PCSK5: variants seen among roughly 807,000 people sequenced by gnomAD.
PCSK5 encodes the protein prohormone convertase 5.
Under a neutral mutation model 233.2 loss-of-function variants are expected in PCSK5, and 129 were observed. That is an observed-to-expected ratio of 0.55 (90% CI 0.48 to 0.64). The LOEUF (loss-of-function observed/expected upper bound fraction) is 0.64, where lower values mean the gene tolerates loss of function less well. Ranked by LOEUF, PCSK5 falls within the 30% of genes least tolerant of loss-of-function variation. The probability of loss-of-function intolerance (pLI) is 0.00; values close to 1 mark genes in which losing one functional copy is unlikely to be tolerated. For missense variants in PCSK5, 2,076 were observed against 2,430.1 expected (o/e 0.85, Z 3.06); for synonymous variants, 825 against 879.2 (o/e 0.94, Z 1.09).
intron 10 of PCSK5, among the ~76,000 whole-genome samples, chr9:76,135,935 T>G (rs1239747060): frequency 6.6e-6 from 1 of 152,018 alleles, no homozygotes; most frequent in Non-Finnish European, 1.5e-5. Flanking sequence ...CTCTGTTGGT[T>G]TAGGAGAGGG....
chr9:76,084,781 C>T (rs553970316), intron 7 of PCSK5, among the ~76,000 whole-genome samples: 5 of 151,926 alleles, frequency 3.3e-5, no homozygotes, highest in South Asian at 2.1e-4. Context: ...CAGCAGTAGT[C>T]GGAAAAGAAA....
intron 24 of PCSK5, chr9:76,287,282 G>T (rs1828108053): frequency 8.8e-6 from 2 of 228,044 alleles, no homozygotes; most frequent in South Asian, 1.6e-4. Flanking sequence ...CAAATGTGGG[G>T]CTTATTCTTT....
chr9:76,267,327 T>C (rs1827364234), intron 24 of PCSK5, among the ~76,000 whole-genome samples: 1 of 152,034 alleles, frequency 6.6e-6, no homozygotes, highest in African/African-American at 2.4e-5. Context: ...AAGAATCATA[T>C]CTTAGATAAG....
intron 3 of PCSK5, among the ~76,000 whole-genome samples, chr9:75,999,137 T>A (rs1827155162): frequency 6.6e-6 from 1 of 152,156 alleles, no homozygotes; most frequent in Non-Finnish European, 1.5e-5. Flanking sequence ...GGTATACATG[T>A]GCCATGGTGG....
chr9:76,141,374 C>G (rs1282496170), intron 10 of PCSK5, among the ~76,000 whole-genome samples: 1 of 152,120 alleles, frequency 6.6e-6, no homozygotes, highest in Non-Finnish European at 1.5e-5. Flanking sequence ...GCTCTGAACT[C>G]AGTGGTTCAG....
intron 8 of PCSK5, among the ~76,000 whole-genome samples, chr9:76,098,817 T>C (rs572347176): frequency 9.8e-5 from 15 of 152,344 alleles, no homozygotes; most frequent in African/African-American, 3.6e-4. Context: ...AAATCACTAC[T>C]GTGAGTTTTA....
intron 2 of PCSK5, 60 bp from the exon 3 acceptor site, chr9:75,986,072 C>T: frequency 1.0e-6 from 1 of 982,288 alleles, no homozygotes. Context: ...CTCAGACTGT[C>T]ATTTATGTTG....
intron 1 of PCSK5, among the ~76,000 whole-genome samples, chr9:75,923,017 G>C (rs754869207): frequency 6.6e-6 from 1 of 152,170 alleles, no homozygotes. Flanking sequence ...TAGTGAGGGC[G>C]AGGAGGTGAG....
chr9:75,964,077 C>T (rs978052847), intron 2 of PCSK5, among the ~76,000 whole-genome samples: 3 of 152,040 alleles, frequency 2.0e-5, no homozygotes, highest in Non-Finnish European at 2.9e-5. Flanking sequence ...TGAGAGGATT[C>T]GAAGCTATGT....
intron 24 of PCSK5, among the ~76,000 whole-genome samples, chr9:76,267,950 TACACACACACACACACACAC>T (rs10539241): frequency 6.7e-6 from 1 of 149,314 alleles, no homozygotes; most frequent in Non-Finnish European, 1.5e-5. Flanking sequence ...CTTATGGGTA[TACACACACACACACACACAC>T]ACACACACAC....
chr9:76,081,834 T>C (rs901745001), intron 7 of PCSK5, among the ~76,000 whole-genome samples: 1 of 152,182 alleles, frequency 6.6e-6, no homozygotes, highest in Non-Finnish European at 1.5e-5. Flanking sequence ...GCTAGTCATC[T>C]AGTAAGTCTT....
chr9:76,338,090 T>C (rs1829728804), intron 34 of PCSK5, 140 bp from the exon 35 acceptor site: 2 of 630,840 alleles, frequency 3.2e-6, no homozygotes, highest in East Asian at 2.7e-5. Context: ...ATTAGTGTTA[T>C]TAGCAATGAA....
At chr9:76,239,552 C>A (rs1254361139) in intron 23 of PCSK5, among the ~76,000 whole-genome samples, 1 of 151,664 alleles carries the variant, frequency 6.6e-6, no homozygotes, top group Admixed American at 6.6e-5. Flanking sequence ...AAAAATTAGC[C>A]AGGCTTGGTG....
At chr9:76,238,286 A>C (rs1342471334) in intron 22 of PCSK5, among the ~76,000 whole-genome samples, 1 of 152,224 alleles carries the variant, frequency 6.6e-6, no homozygotes, top group Non-Finnish European at 1.5e-5. Flanking sequence ...CATTCCCTCC[A>C]GAAACAAATT....
At chr9:76,091,836 A>G (rs1159114486) in intron 7 of PCSK5, among the ~76,000 whole-genome samples, 2 of 152,062 alleles carry the variant, frequency 1.3e-5, no homozygotes, top group South Asian at 2.1e-4. Flanking sequence ...TATTGACCCC[A>G]TGCTGTCCTT....
At chr9:76,189,325 C>A in intron 19 of PCSK5, 102 bp downstream of exon 19, 2 of 1,011,436 alleles carry the variant, frequency 2.0e-6, no homozygotes, top group Non-Finnish European at 3.0e-6. Context: ...AATGATAACA[C>A]TAGGTTTAAA....
intron 2 of PCSK5, among the ~76,000 whole-genome samples, chr9:75,969,622 C>A (rs950258560): frequency 6.6e-6 from 1 of 152,120 alleles, no homozygotes; most frequent in Non-Finnish European, 1.5e-5. Context: ...GCTTGCAGTT[C>A]TTGGACCAAT....
At chr9:76,040,760 AT>A (rs1390706754) in intron 5 of PCSK5, among the ~76,000 whole-genome samples, 5 of 152,200 alleles carry the variant, frequency 3.3e-5, no homozygotes, top group African/African-American at 1.2e-4. Context: ...ACAATGTTTA[AT>A]TCATGGAAAC....
intron 7 of PCSK5, among the ~76,000 whole-genome samples, chr9:76,094,549 T>C (rs904141518): frequency 8.5e-5 from 13 of 152,234 alleles, no homozygotes; most frequent in Admixed American, 4.6e-4. Flanking sequence ...GTCACTTCAC[T>C]GTGTATGTCT....
Sources: allele counts gnomAD v4.1 joint callset (sites outside exome capture counted in the v4.1 genomes callset), GRCh38; gene constraint gnomAD v4.1.1; transcripts MANE v1.5; gene names NCBI Gene and HGNC (gene_info 2026-07-23, HGNC 2026-07-21).